GNA11: variants seen among roughly 807,000 people sequenced by gnomAD.
GNA11 encodes G protein subunit alpha 11, also known as guanine nucleotide-binding protein subunit alpha-11.
Under a neutral mutation model 38.2 loss-of-function variants are expected in GNA11, and 8 were observed. That is an observed-to-expected ratio of 0.21 (90% CI 0.12 to 0.38). The LOEUF is 0.38. Among genes scored for constraint, GNA11 ranks in the 10% least tolerant of loss-of-function variants. The pLI is 1.00. For synonymous variants in GNA11, 211 were observed against 221.4 expected (o/e 0.95, Z 0.42); for missense variants, 268 against 516.3 (o/e 0.52, Z 4.66).
chr19:3,113,349 G>T lies in GNA11; in HGVS notation c.341G>T (p.Arg114Leu), dbSNP rs541350337. The change falls in exon 3 of 7, where the codon CGG (arginine) becomes CTG (leucine). Residue 114 changes from arginine to leucine, a missense_variant. By Grantham distance (102) the Arg-to-Leu change is moderately radical. Transcript: ENST00000078429. ...EQNKANALLI[R>L]EVDVEKVTTF... is the part of the protein sequence containing the mutation. ...TCGCAGGCCAATGCGCTCCTGATCC[G>T]GGAGGTGGACGTGGAGAAGGTGACC... The T allele has an allele frequency of 6.2e-7, 1 of 1,613,404 alleles. No homozygotes were observed. The highest frequency in any genetic ancestry group is 8.5e-7 in the Non-Finnish European group (1 of 1,179,908).
intron 1 of GNA11, among the ~76,000 whole-genome samples, chr19:3,100,001 C>T (rs79195990): frequency 0.17 from 26,433 of 152,158 alleles, 2,403 homozygotes; most frequent in Non-Finnish European, 0.19. Flanking sequence ...CGTGGGGACC[C>T]ACGGAATGCT....
intron 1 of GNA11, among the ~76,000 whole-genome samples, chr19:3,109,194 G>T (rs1410397461): frequency 1.3e-5 from 2 of 152,214 alleles, no homozygotes; most frequent in Non-Finnish European, 2.9e-5. Context: ...AGCGTGTGAG[G>T]GTGAAGAAAA....
intron 1 of GNA11, among the ~76,000 whole-genome samples, chr19:3,099,741 G>T (rs1599296235): frequency 6.6e-6 from 1 of 152,198 alleles, no homozygotes; most frequent in Non-Finnish European, 1.5e-5. Flanking sequence ...TCTGCTGTGG[G>T]GGTTCCTGGT....
rs1914114592 is a variant in GNA11 at position 3,122,694 on chromosome 19, C to T, written c.*1515C>T. On this transcript the variant is annotated 3_prime_UTR_variant, in exon 7 of 7. Transcript: ENST00000078429. The surrounding 1 kb of genome is among the most constrained non-coding windows in gnomAD (Gnocchi z 7.7). Reference sequence around the variant, plus strand: ...GCCTTCGCCCGCCGCCACACCGGGACCCTGCACGGCTGCTTCTGGCCTCGA... The same window carrying T: ...GCCTTCGCCCGCCGCCACACCGGGATCCTGCACGGCTGCTTCTGGCCTCGA... 1 of 233,610 alleles carries T rather than the reference C, an allele frequency of 4.3e-6. No individual in the cohort carries two copies. The highest frequency in any genetic ancestry group is 8.5e-6 in the Non-Finnish European group (1 of 118,322). The allele number at this position is 233,610 out of a possible 1,614,324, so 14.5% of individuals were successfully genotyped here.
chr19:3,107,509 G>T (rs1599300621), intron 1 of GNA11, among the ~76,000 whole-genome samples: 1 of 152,230 alleles, frequency 6.6e-6, no homozygotes, highest in African/African-American at 2.4e-5. Context: ...TGGGGTGCAG[G>T]CTTGCAGTGT....
rs755281796 is a variant in GNA11 at position 3,110,067 on chromosome 19, C to T, written c.137-82C>T. 168 of 1,160,858 alleles carry T rather than the reference C, an allele frequency of 1.4e-4. 1 individual carries two copies. Among genetic ancestry groups the T allele is most frequent in the Non-Finnish European group, 1.2e-4 (100 of 813,834 alleles). 71.9% of individuals were successfully genotyped at this position (1,160,858 alleles called of 1,614,324 possible). The stretch of plus-strand genomic sequence containing the variant: ...GTTTCCTGTGCTGGGTGCTGCAGCA[C>T]GGCAGGGTCTGGGTAAGAGGGGGCA... On this transcript the variant is annotated intron_variant, in intron 1 of 6. Coordinates refer to ENST00000078429, the MANE Select transcript of GNA11 (RefSeq NM_002067.5). The surrounding 1 kb of genome is among the most constrained non-coding windows in gnomAD (Gnocchi z 5.4).
intron 3 of GNA11, 112 bp from the exon 4 acceptor site, chr19:3,114,832 C>T (rs1008128501): frequency 2.9e-5 from 30 of 1,029,406 alleles, no homozygotes; most frequent in Admixed American, 1.6e-4. Context: ...GCGCAGTGCG[C>T]GGTCCACCCC....
intron 1 of GNA11, among the ~76,000 whole-genome samples, chr19:3,102,129 CA>C (rs373790541): frequency 5.5e-4 from 81 of 147,804 alleles, no homozygotes; most frequent in Middle Eastern, 6.9e-3. Flanking sequence ...ACAAAACAAA[CA>C]AAAAAAAAAC....
At position 3,121,634 on chromosome 19, in the gene GNA11, G is replaced by A. The variant is rs1022257919; in HGVS notation, c.*455G>A. The A allele has an allele frequency of 2.6e-5, 6 of 232,880 alleles. No individual in the cohort carries two copies. The allele number at this position is 232,880 out of a possible 1,614,324, so 14.4% of individuals were successfully genotyped here. A position where few individuals can be genotyped will look rare whatever the true frequency, so the allele number is the denominator to read the frequency against. ...CCCGTGGCTGTCCTTCCAACCCCAC[G>A]TGCTTTTTCTTTCTCCTGCCCGCTT... On this transcript the variant is annotated 3_prime_UTR_variant, in exon 7 of 7. Coordinates refer to ENST00000078429, the MANE Select transcript of GNA11 (RefSeq NM_002067.5).
At position 3,106,664 on chromosome 19, in the gene GNA11, A is replaced by G. The variant is rs1484105019; in HGVS notation, c.137-3485A>G. ...ACATGGGTTAACATGCCAGCCACCCAGCTGTGTACGGGCTGCATGTGTGTG... is the reference window on the plus strand; with the variant it reads ...ACATGGGTTAACATGCCAGCCACCCGGCTGTGTACGGGCTGCATGTGTGTG... On this transcript the variant is annotated intron_variant, in intron 1 of 6. Coordinates refer to ENST00000078429, the MANE Select transcript of GNA11 (RefSeq NM_002067.5). Among the ~76,000 whole-genome samples, 3 of 152,208 alleles carry G rather than the reference A, an allele frequency of 2.0e-5. No homozygotes were observed. In the East Asian group the frequency reaches 5.8e-4, roughly 29 times the overall value.
chr19:3,119,147 C>G lies in GNA11; in HGVS notation c.736-59C>G. 9 of 1,607,586 alleles carry G rather than the reference C, an allele frequency of 5.6e-6. No individual in the cohort carries two copies. The highest frequency in any genetic ancestry group is 6.8e-6 in the Non-Finnish European group (8 of 1,175,322). ...CTCACCTGGGTCCCCCCAGCTGCCC[C>G]TTGGGCTGTGTGCAGTGGGGAGGGC... On this transcript the variant is annotated intron_variant, in intron 5 of 6. Transcript: ENST00000078429. The surrounding 1 kb of genome is among the most constrained non-coding windows in gnomAD (Gnocchi z 4.6).
At position 3,110,430 on chromosome 19, in the gene GNA11, G is replaced by A; in HGVS notation, c.321+97G>A. 2.1e-6 allele frequency: 2 copies of A among 966,680 alleles called. No homozygotes were observed. The highest frequency in any genetic ancestry group is 3.1e-6 in the Non-Finnish European group (2 of 638,962). The allele number at this position is 966,680 out of a possible 1,614,324, so 59.9% of individuals were successfully genotyped here. ...GCTGCCAGGGTGGGGCCATGCCGGG[G>A]GTCCCGGCCGGCCCAGGCTACCCCT... On this transcript the variant is annotated intron_variant, in intron 2 of 6. Transcript: ENST00000078429. This position sits in a 1 kb window ranked among gnomAD's most constrained non-coding sequence, Gnocchi z 5.4.
Position 3,119,502 on chromosome 19 carries a change from C to G in GNA11, c.889+143C>G, listed in dbSNP as rs1168575686. The stretch of plus-strand genomic sequence containing the variant: ...GAGGTGTCATGTATGGGAGTGGAGT[C>G]TCAGGGAAGGGAGATCTCGTATGAG... On this transcript the variant is annotated intron_variant, in intron 6 of 6. Coordinates refer to ENST00000078429, the MANE Select transcript of GNA11 (RefSeq NM_002067.5). The surrounding 1 kb of genome is among the most constrained non-coding windows in gnomAD (Gnocchi z 4.6). 2 of 666,908 alleles carry G rather than the reference C, an allele frequency of 3.0e-6. No homozygotes were observed. The highest frequency in any genetic ancestry group is 4.9e-6 in the Non-Finnish European group (2 of 404,836). 41.3% of individuals were successfully genotyped at this position (666,908 alleles called of 1,614,324 possible). A position where few individuals can be genotyped will look rare whatever the true frequency, so the allele number is the denominator to read the frequency against.
intron 1 of GNA11, among the ~76,000 whole-genome samples, chr19:3,096,044 T>C (rs1319367135): frequency 6.6e-6 from 1 of 151,886 alleles, no homozygotes; most frequent in Non-Finnish European, 1.5e-5. Context: ...GTGGGGAAGG[T>C]CGGAAATGCG....
At chr19:3,105,765 G>A (rs983276937) in intron 1 of GNA11, among the ~76,000 whole-genome samples, 1 of 152,198 alleles carries the variant, frequency 6.6e-6, no homozygotes, top group Non-Finnish European at 1.5e-5. Flanking sequence ...TGTGCGTGGG[G>A]TCTTTGCACC....
chr19:3,110,416 G>A lies in GNA11; in HGVS notation c.321+83G>A. ...AGCATGGTGGCCGCGCTGCCAGGGTGGGGCCATGCCGGGGGTCCCGGCCGG... is the reference window on the plus strand; with the variant it reads ...AGCATGGTGGCCGCGCTGCCAGGGTAGGGCCATGCCGGGGGTCCCGGCCGG... On this transcript the variant is annotated intron_variant, in intron 2 of 6. Transcript: ENST00000078429. The surrounding 1 kb of genome is among the most constrained non-coding windows in gnomAD (Gnocchi z 5.4). The A allele has an allele frequency of 2.5e-6, 3 of 1,178,298 alleles. No homozygotes were observed. Among genetic ancestry groups the A allele is most frequent in the Non-Finnish European group, 3.7e-6 (3 of 816,740 alleles). The allele number at this position is 1,178,298 out of a possible 1,614,324, so 73.0% of individuals were successfully genotyped here.
chr19:3,102,852 G>A (rs1185571270), intron 1 of GNA11, among the ~76,000 whole-genome samples: 1 of 152,210 alleles, frequency 6.6e-6, no homozygotes, highest in Non-Finnish European at 1.5e-5. Context: ...AGATTTCCTG[G>A]CTGTTTCCAA....
intron 1 of GNA11, among the ~76,000 whole-genome samples, chr19:3,106,890 A>G (rs1913653010): frequency 6.6e-6 from 1 of 152,140 alleles, no homozygotes; most frequent in Non-Finnish European, 1.5e-5. Context: ...GCAGAGCTCC[A>G]TGGGGGTCCT....
intron 3 of GNA11, among the ~76,000 whole-genome samples, 174 bp downstream of exon 3, chr19:3,113,658 A>AG (rs911465544): frequency 1.3e-5 from 2 of 152,130 alleles, no homozygotes; most frequent in Non-Finnish European, 2.9e-5. Flanking sequence ...AGATCCCTGG[A>AG]GGGGCCACGC....
Sources: allele counts gnomAD v4.1 joint callset (sites outside exome capture counted in the v4.1 genomes callset), GRCh38; gene constraint gnomAD v4.1.1; non-coding constraint Gnocchi (gnomAD v3.1); transcripts MANE v1.5; gene names NCBI Gene and HGNC (gene_info 2026-07-23, HGNC 2026-07-21).